Variants in CFAP100 observed in about 807,000 individuals in gnomAD.
The protein encoded by CFAP100 is cilia- and flagella-associated protein 100.
CFAP100 carries 70 observed loss-of-function variants against 81.5 expected under a neutral mutation model. The observed-to-expected ratio is 0.86, with a 90% CI of 0.71 to 1.05. The LOEUF (loss-of-function observed/expected upper bound fraction) is 1.05. Ranked by LOEUF, CFAP100 falls within the 50% of genes least tolerant of loss-of-function variation. The pLI is 0.00. For synonymous variants in CFAP100, 341 were observed against 314.8 expected (o/e 1.08, Z -0.88); for missense variants, 811 against 776.5 (o/e 1.04, Z -0.53).
In CFAP100 at chr3:126,410,133, G is replaced by A. The variant is rs145696356; in HGVS notation, c.130+2881G>A. Among the ~76,000 whole-genome samples, 1,269 of 152,262 alleles carry A rather than the reference G, an allele frequency of 8.3e-3. 5 individuals are homozygous for A. Among genetic ancestry groups the A allele is most frequent in the Non-Finnish European group, 0.012 (836 of 68,008 alleles). On this transcript the variant is annotated intron_variant, in intron 3 of 16. Transcript: ENST00000352312. Reference sequence around the variant, plus strand: ...GGAGAATTGCTTGAACCCAGGAGACGGAGGTTGCAGTGAGCCAAGATCTTG... The same window carrying A: ...GGAGAATTGCTTGAACCCAGGAGACAGAGGTTGCAGTGAGCCAAGATCTTG...
chr3:126,417,119 T>C (rs1234402762), intron 5 of CFAP100, among the ~76,000 whole-genome samples: 1 of 152,218 alleles, frequency 6.6e-6, no homozygotes, highest in African/African-American at 2.4e-5. Context: ...AGAAAGAGCA[T>C]GGAGCTGGAC....
At chr3:126,404,215 G>A (rs1214399222) in intron 2 of CFAP100, among the ~76,000 whole-genome samples, 1 of 152,172 alleles carries the variant, frequency 6.6e-6, no homozygotes, top group East Asian at 1.9e-4. Flanking sequence ...TCTGGTGTAG[G>A]GAAAGCAGTC....
chr3:126,434,264 T>C lies in CFAP100; in HGVS notation c.1511T>C (p.Val504Ala). ...CAGCAGGAGGCCAACCTGGGCACCG[T>C]GCAGATGCTGACCATCATTGAGCAC... Reference protein sequence around the residue: ...GTQQEANLGTVQMLTIIEHQL... With the variant: ...GTQQEANLGTAQMLTIIEHQL... Residue 504 changes from valine to alanine, a missense_variant, in exon 15 of 17, where the codon GTG becomes GCG. Transcript: ENST00000352312. 6.2e-7 allele frequency: 1 copy of C among 1,613,990 alleles called. No individual in the cohort carries two copies. Among genetic ancestry groups the C allele is most frequent in the Non-Finnish European group, 8.5e-7 (1 of 1,180,022 alleles).
chr3:126,435,465 A>C, intron 15 of CFAP100, 94 bp from the exon 16 acceptor site: 1 of 970,428 alleles, frequency 1.0e-6, no homozygotes, highest in South Asian at 1.7e-5. Flanking sequence ...AGTTTTCTTG[A>C]GGGAGGACAC....
Position 126,436,474 on chromosome 3 carries a change from C to T in CFAP100, c.*70C>T, listed in dbSNP as rs948821034. ...GTTGGCAGAGGAAGCAGAGACTGGG[C>T]TGGGTCTCGAGTGGCCCAACTGAGT... On this transcript the variant is annotated 3_prime_UTR_variant, in exon 17 of 17. Coordinates refer to ENST00000352312, the MANE Select transcript of CFAP100 (RefSeq NM_182628.3). 4.8e-6 allele frequency: 6 copies of T among 1,254,770 alleles called. No individual in the cohort carries two copies. The African/African-American group carries it at 8.9e-5, about 19-fold the overall frequency. The allele number at this position is 1,254,770 out of a possible 1,614,324, so 77.7% of individuals were successfully genotyped here.
chr3:126,409,265 A>G (rs762032150), intron 3 of CFAP100, among the ~76,000 whole-genome samples: 3 of 152,194 alleles, frequency 2.0e-5, no homozygotes, highest in African/African-American at 7.2e-5. Context: ...CACACTGTCT[A>G]TCCTTTCAGT....
intron 2 of CFAP100, among the ~76,000 whole-genome samples, chr3:126,401,397 TTATATATATA>T (rs58055481): frequency 0.047 from 3,573 of 76,116 alleles, 111 homozygotes; most frequent in Non-Finnish European, 0.067. Context: ...AAATCGTATT[TTATATATATA>T]TATATATATA....
intron 13 of CFAP100, 82 bp downstream of exon 13, chr3:126,423,726 A>G: frequency 6.5e-7 from 1 of 1,546,974 alleles, no homozygotes; most frequent in Admixed American, 1.7e-5. Flanking sequence ...CAAGTTGGGG[A>G]AACAGCCCAC....
chr3:126,432,282 C>CAAAAAAAAAAAAA (rs58421889), intron 13 of CFAP100, among the ~76,000 whole-genome samples: 6 of 76,726 alleles, frequency 7.8e-5, no homozygotes, highest in Non-Finnish European at 9.0e-5. Flanking sequence ...GACTCCGTCT[C>CAAAAAAAAAAAAA]AAAAAAAAAA....
intron 13 of CFAP100, among the ~76,000 whole-genome samples, chr3:126,424,080 C>T (rs967138281): frequency 9.8e-5 from 15 of 152,380 alleles, no homozygotes; most frequent in Admixed American, 2.6e-4. Context: ...CTTCATATTT[C>T]GTAGACCACT....
At chr3:126,401,914 C>T (rs1201535725) in intron 2 of CFAP100, among the ~76,000 whole-genome samples, 1 of 152,188 alleles carries the variant, frequency 6.6e-6, no homozygotes, top group Non-Finnish European at 1.5e-5. Flanking sequence ...CAGGTTTTGC[C>T]TCCATGACCC....
At chr3:126,411,981 TGA>T (rs2083164682) in intron 3 of CFAP100, among the ~76,000 whole-genome samples, 1 of 152,182 alleles carries the variant, frequency 6.6e-6, no homozygotes, top group Non-Finnish European at 1.5e-5. Context: ...CCTAGTTCCT[TGA>T]GGTGTGACAT....
Position 126,423,568 on chromosome 3 carries a change from C to A in CFAP100, c.1210C>A (p.Leu404Met). ...FRELEEQNLS[L>M]IQNSQETEKT... ...AGAGCTGGAGGAGCAGAACCTGTCG[C>A]TGATCCAGAACAGCCAGGAGACGGA... Residue 404 changes from leucine (L) to methionine (M), a missense_variant, in exon 13 of 17, where the codon CTG becomes ATG. Leu to Met is a conservative substitution (Grantham distance 15). Coordinates refer to ENST00000352312, the MANE Select transcript of CFAP100 (RefSeq NM_182628.3). 6.2e-7 allele frequency: 1 copy of A among 1,613,904 alleles called. No individual in the cohort carries two copies. Among genetic ancestry groups the A allele is most frequent in the Non-Finnish European group, 8.5e-7 (1 of 1,179,840 alleles).
chr3:126,436,505 C>G lies in CFAP100; in HGVS notation c.*101C>G. 1.3e-6 allele frequency: 1 copy of G among 785,384 alleles called. No homozygotes were observed. Among genetic ancestry groups the G allele is most frequent in the African/African-American group, 1.7e-5 (1 of 58,538 alleles). 48.7% of individuals were successfully genotyped at this position (785,384 alleles called of 1,614,324 possible). A position where few individuals can be genotyped will look rare whatever the true frequency, so the allele number is the denominator to read the frequency against. ...CTCGAGTGGCCCAACTGAGTCCTCT[C>G]TGTCTCCTGTGTGCTCCCTTCCTCA... On this transcript the variant is annotated 3_prime_UTR_variant, in exon 17 of 17. Coordinates refer to ENST00000352312, the MANE Select transcript of CFAP100 (RefSeq NM_182628.3).
chr3:126,432,819 T>G (rs1401767556), intron 13 of CFAP100: 1 of 370,634 alleles, frequency 2.7e-6, no homozygotes, highest in Non-Finnish European at 4.8e-6. Flanking sequence ...ATGCTAATTT[T>G]ATTGTCTGTG....
At chr3:126,418,036 C>CAT in intron 5 of CFAP100, 1 of 177,766 alleles carries the variant, frequency 5.6e-6, no homozygotes, top group Non-Finnish European at 1.2e-5. Flanking sequence ...GCCCAGTTTG[C>CAT]TCGGGGGGCT....
chr3:126,403,575 G>A (rs1560062798), intron 2 of CFAP100, among the ~76,000 whole-genome samples: 2 of 151,982 alleles, frequency 1.3e-5, no homozygotes, highest in Non-Finnish European at 2.9e-5. Flanking sequence ...TACAGACAGG[G>A]TTTCACCATA....
chr3:126,400,724 C>T (rs1366415768), intron 2 of CFAP100, among the ~76,000 whole-genome samples: 3 of 151,998 alleles, frequency 2.0e-5, no homozygotes, highest in Admixed American at 2.0e-4. Context: ...TGCACTCCAG[C>T]CTGGGCGACA....
intron 13 of CFAP100, among the ~76,000 whole-genome samples, chr3:126,425,967 A>G (rs190424828): frequency 5.9e-4 from 90 of 152,332 alleles, no homozygotes; most frequent in African/African-American, 2.0e-3. Context: ...AACAAAAAAA[A>G]CAACAACTAG....
Sources: allele counts gnomAD v4.1 joint callset (sites outside exome capture counted in the v4.1 genomes callset), GRCh38; gene constraint gnomAD v4.1.1; transcripts MANE v1.5; gene names NCBI Gene and HGNC (gene_info 2026-07-23, HGNC 2026-07-21).